Variants in SLC9A9 observed in about 807,000 individuals in gnomAD.
The protein encoded by SLC9A9 is solute carrier family 9 member A9.
SLC9A9 carries 62 observed loss-of-function variants against 77.8 expected under a neutral mutation model. The ratio of observed to expected loss-of-function variants is 0.80; its 90% CI spans 0.65 to 0.98. SLC9A9 has a LOEUF of 0.98. SLC9A9 is among the 50% of genes least tolerant of loss of function. The pLI, the probability that SLC9A9 is intolerant of heterozygous loss-of-function variation, is 0.00. For missense variants in SLC9A9, 775 were observed against 774.9 expected, an observed-to-expected ratio of 1.00 and a Z score of 0.00; for synonymous variants, 320 against 283.5, an observed-to-expected ratio of 1.13 and a Z score of -1.29.
chr3:143,601,649 C>T (rs1430715208), intron 6 of SLC9A9, among the ~76,000 whole-genome samples: 1 of 152,184 alleles, frequency 6.6e-6, no homozygotes. Flanking sequence ...TTTAACCCTC[C>T]CACCTCTGGT....
chr3:143,807,637 T>C (rs2008757188), intron 2 of SLC9A9, among the ~76,000 whole-genome samples: 1 of 152,082 alleles, frequency 6.6e-6, no homozygotes, highest in Non-Finnish European at 1.5e-5. Flanking sequence ...CCCAGCTACT[T>C]GGGAGGCTGA....
intron 14 of SLC9A9, among the ~76,000 whole-genome samples, chr3:143,279,535 G>A (rs1938154388): frequency 6.6e-6 from 1 of 152,112 alleles, no homozygotes; most frequent in Admixed American, 6.5e-5. Context: ...TCTACATTAG[G>A]TATTTCTCCT....
intron 12 of SLC9A9, among the ~76,000 whole-genome samples, chr3:143,449,657 A>T (rs1002708735): frequency 1.1e-4 from 1 of 9,030 alleles, no homozygotes; most frequent in Non-Finnish European, 1.8e-4. Flanking sequence ...ATAATTATAT[A>T]AAATATAATT....
intron 1 of SLC9A9, among the ~76,000 whole-genome samples, chr3:143,839,459 A>G (rs1019456498): frequency 6.6e-6 from 1 of 151,924 alleles, no homozygotes; most frequent in Non-Finnish European, 1.5e-5. Context: ...TGGGGTGTCT[A>G]ATGTCCACAA....
intron 6 of SLC9A9, among the ~76,000 whole-genome samples, chr3:143,635,450 ATC>A (rs1307190946): frequency 6.6e-6 from 1 of 152,240 alleles, no homozygotes; most frequent in Non-Finnish European, 1.5e-5. Flanking sequence ...TGTCTCAAGC[ATC>A]TGTCACCAAA....
intron 2 of SLC9A9, among the ~76,000 whole-genome samples, chr3:143,827,695 A>C (rs1166995755): frequency 6.6e-6 from 1 of 152,226 alleles, no homozygotes; most frequent in African/African-American, 2.4e-5. Flanking sequence ...ATTACATAGC[A>C]CAAGAATTCA....
intron 11 of SLC9A9, among the ~76,000 whole-genome samples, chr3:143,470,705 T>A (rs1288241111): frequency 6.6e-6 from 1 of 152,142 alleles, no homozygotes; most frequent in African/African-American, 2.4e-5. Context: ...GAATACAAAT[T>A]AAAACTTGCA....
At chr3:143,576,057 A>G (rs1360923629) in intron 7 of SLC9A9, among the ~76,000 whole-genome samples, 1 of 152,164 alleles carries the variant, frequency 6.6e-6, no homozygotes, top group Non-Finnish European at 1.5e-5. Context: ...TTCCCTTATC[A>G]ACCTGTTCAC....
intron 14 of SLC9A9, among the ~76,000 whole-genome samples, chr3:143,269,392 T>C (rs571567300): frequency 2.0e-5 from 3 of 152,382 alleles, no homozygotes; most frequent in African/African-American, 7.2e-5. Flanking sequence ...AGGTATTTTA[T>C]AAAATGTTCA....
intron 9 of SLC9A9, among the ~76,000 whole-genome samples, chr3:143,515,626 T>C (rs186490102): frequency 2.6e-5 from 4 of 152,362 alleles, no homozygotes; most frequent in African/African-American, 9.6e-5. Flanking sequence ...TTGAATGTTT[T>C]CTATTAAATG....
chr3:143,790,784 T>C (rs1035672868), intron 4 of SLC9A9, among the ~76,000 whole-genome samples: 13 of 152,136 alleles, frequency 8.5e-5, no homozygotes, highest in Non-Finnish European at 1.6e-4. Flanking sequence ...GGAAAGAAAA[T>C]TTTTAAATGA....
At chr3:143,629,572 C>CGT (rs112725310) in intron 6 of SLC9A9, among the ~76,000 whole-genome samples, 2,513 of 146,606 alleles carry the variant, frequency 0.017, 35 homozygotes, top group South Asian at 0.084. Flanking sequence ...CGTGTGTGTG[C>CGT]GTGTGTGTGT....
intron 14 of SLC9A9, among the ~76,000 whole-genome samples, chr3:143,339,889 A>G (rs6769555): frequency 0.56 from 85,418 of 152,024 alleles, 25,409 homozygotes; most frequent in African/African-American, 0.75. Flanking sequence ...AAAGGATGCT[A>G]CTGCCCGAAT....
At chr3:143,503,448 G>A (rs944041396) in intron 9 of SLC9A9, 7 of 356,366 alleles carry the variant, frequency 2.0e-5, no homozygotes, top group Admixed American at 6.8e-5. Context: ...TGGTGCTCAC[G>A]ATGCCCAGGA....
intron 2 of SLC9A9, among the ~76,000 whole-genome samples, chr3:143,826,319 TCTTCTAA>T (rs2108884843): frequency 1.3e-5 from 2 of 152,042 alleles, no homozygotes; most frequent in Admixed American, 1.3e-4. Context: ...ATCAACTCCT[TCTTCTAA>T]CTTTTAACTT....
chr3:143,402,693 T>C (rs755283718), intron 12 of SLC9A9, among the ~76,000 whole-genome samples: 1 of 151,916 alleles, frequency 6.6e-6, no homozygotes, highest in Non-Finnish European at 1.5e-5. Context: ...GGTTATTGTT[T>C]GCATGGTGTA....
chr3:143,587,448 T>G (rs140079646), intron 6 of SLC9A9, among the ~76,000 whole-genome samples: 16 of 152,236 alleles, frequency 1.1e-4, no homozygotes, highest in Non-Finnish European at 2.4e-4. Flanking sequence ...GAGTCCTGAA[T>G]GAAATAAAGG....
chr3:143,658,369 CT>C (rs1167303210), intron 5 of SLC9A9, among the ~76,000 whole-genome samples: 1 of 152,178 alleles, frequency 6.6e-6, no homozygotes, highest in Non-Finnish European at 1.5e-5. Context: ...AAAATATTCC[CT>C]CCAGTCATCT....
At chr3:143,268,731 T>TC (rs1397506804) in intron 15 of SLC9A9, 144 bp downstream of exon 15, 3 of 388,496 alleles carry the variant, frequency 7.7e-6, no homozygotes, top group South Asian at 6.7e-5. Flanking sequence ...AGACTCCGTC[T>TC]CAAAAAAAAA....
Sources: allele counts gnomAD v4.1 joint callset (sites outside exome capture counted in the v4.1 genomes callset), GRCh38; gene constraint gnomAD v4.1.1; transcripts MANE v1.5; gene names NCBI Gene and HGNC (gene_info 2026-07-23, HGNC 2026-07-21).